Variants in MARCHF11 observed in about 807,000 individuals in gnomAD.
The protein encoded by MARCHF11 is E3 ubiquitin-protein ligase MARCHF11.
A neutral mutation model predicts 37.3 loss-of-function variants in MARCHF11; 29 were observed. That is an observed-to-expected ratio of 0.78 (90% CI 0.58 to 1.06). The LOEUF is 1.06. Among genes scored for constraint, MARCHF11 ranks in the 50% least tolerant of loss-of-function variants. The pLI, the probability that MARCHF11 is intolerant of heterozygous loss-of-function variation, is 0.00. For missense variants in MARCHF11, 482 were observed against 533.4 expected, an observed-to-expected ratio of 0.90 and a Z score of 0.95; for synonymous variants, 233 against 228.0, an observed-to-expected ratio of 1.02 and a Z score of -0.20.
At chr5:16,101,685 G>T (rs1736960866) in intron 2 of MARCHF11, among the ~76,000 whole-genome samples, 2 of 152,208 alleles carry the variant, frequency 1.3e-5, no homozygotes, top group Admixed American at 6.5e-5. Flanking sequence ...GTCATAACTA[G>T]ATTTACTTGT....
rs1737743962 is a variant in MARCHF11 at position 16,143,067 on chromosome 5, A to C, written c.693+34659T>G. 2.0e-5 allele frequency among the ~76,000 whole-genome samples: 3 copies of C among 151,922 alleles called. No individual in the cohort carries two copies. The South Asian group carries it at 6.2e-4, about 32-fold the overall frequency. On this transcript the variant is annotated intron_variant, in intron 2 of 3. Transcript: ENST00000332432. The stretch of plus-strand genomic sequence containing the variant: ...ATTTTACTTTTTAATGGATAAAAGC[A>C]AATAGTATCAGATCTTAAACAGGGC...
intron 2 of MARCHF11, among the ~76,000 whole-genome samples, chr5:16,106,658 A>G (rs1056457186): frequency 2.0e-5 from 3 of 152,176 alleles, no homozygotes; most frequent in African/African-American, 7.2e-5. Flanking sequence ...ACCCTACCCT[A>G]TCACCAGGAG....
chr5:16,158,289 G>T (rs1423589159), intron 2 of MARCHF11, among the ~76,000 whole-genome samples: 2 of 151,856 alleles, frequency 1.3e-5, no homozygotes, highest in Non-Finnish European at 2.9e-5. Context: ...ATTAAAAATA[G>T]AACTGCTGTA....
chr5:16,071,098 G>A (rs991166259), intron 3 of MARCHF11, among the ~76,000 whole-genome samples: 3 of 152,132 alleles, frequency 2.0e-5, no homozygotes, highest in African/African-American at 7.2e-5. Flanking sequence ...TAAAAACTCT[G>A]TTAGTATGCT....
intron 2 of MARCHF11, among the ~76,000 whole-genome samples, chr5:16,128,644 G>A (rs1466820582): frequency 1.3e-5 from 2 of 152,168 alleles, no homozygotes; most frequent in Non-Finnish European, 2.9e-5. Flanking sequence ...CTTTTTAGAA[G>A]AAGCTGCTAT....
At chr5:16,103,281 G>A (rs1736989728) in intron 2 of MARCHF11, among the ~76,000 whole-genome samples, 1 of 152,182 alleles carries the variant, frequency 6.6e-6, no homozygotes, top group African/African-American at 2.4e-5. Flanking sequence ...AGAAGAGTTG[G>A]CTAGGTGGAG....
intron 2 of MARCHF11, among the ~76,000 whole-genome samples, chr5:16,093,121 C>T (rs1579682246): frequency 6.6e-6 from 1 of 152,130 alleles, no homozygotes; most frequent in Admixed American, 6.5e-5. Context: ...AACAAAGCAT[C>T]CTTTAAGTCC....
intron 3 of MARCHF11, among the ~76,000 whole-genome samples, chr5:16,087,278 C>T (rs1210558319): frequency 4.6e-5 from 7 of 152,206 alleles, no homozygotes; most frequent in Non-Finnish European, 1.0e-4. Context: ...AAACATGTCT[C>T]TCCTTTATCA....
At chr5:16,080,179 G>C (rs544195914) in intron 3 of MARCHF11, among the ~76,000 whole-genome samples, 1 of 152,058 alleles carries the variant, frequency 6.6e-6, no homozygotes, top group Non-Finnish European at 1.5e-5. Context: ...CTGCGGTCTC[G>C]CATCCATCCA....
In MARCHF11 at chr5:16,179,604, C is replaced by T; in HGVS notation, c.-29G>A. Reference sequence around the variant, plus strand: ...TGTGCCGCCGCCGCCCTCCTGCCGGCCCGGCTGGCGGGCCGGGCTCTGGCT... The same window carrying T: ...TGTGCCGCCGCCGCCCTCCTGCCGGTCCGGCTGGCGGGCCGGGCTCTGGCT... On this transcript the variant is annotated 5_prime_UTR_variant, in exon 1 of 4. Coordinates refer to ENST00000332432, the MANE Select transcript of MARCHF11 (RefSeq NM_001102562.3). The T allele has an allele frequency of 8.6e-7, 1 of 1,163,738 alleles. No homozygotes were observed. 72.1% of individuals were successfully genotyped at this position (1,163,738 alleles called of 1,614,324 possible). A position where few individuals can be genotyped will look rare whatever the true frequency, so the allele number is the denominator to read the frequency against.
chr5:16,153,627 G>C (rs1326554614), intron 2 of MARCHF11, among the ~76,000 whole-genome samples: 1 of 152,000 alleles, frequency 6.6e-6, no homozygotes, highest in Non-Finnish European at 1.5e-5. Flanking sequence ...ACTATTTATT[G>C]ATGGATGTAC....
chr5:16,103,760 C>T (rs1736995582), intron 2 of MARCHF11, among the ~76,000 whole-genome samples: 2 of 152,182 alleles, frequency 1.3e-5, no homozygotes, highest in African/African-American at 2.4e-5. Flanking sequence ...TTTCTGTTTC[C>T]CCTCTTTTAA....
intron 2 of MARCHF11, among the ~76,000 whole-genome samples, chr5:16,175,965 T>C (rs1180492732): frequency 6.6e-6 from 1 of 152,230 alleles, no homozygotes. Flanking sequence ...TAGTTCTTTT[T>C]GGGGAAAAGG....
intron 3 of MARCHF11, among the ~76,000 whole-genome samples, chr5:16,072,655 GC>G (rs1159515162): frequency 2.0e-5 from 3 of 152,066 alleles, no homozygotes; most frequent in Non-Finnish European, 4.4e-5. Flanking sequence ...CCAAATATCT[GC>G]CACAAGTTGT....
intron 1 of MARCHF11, 53 bp downstream of exon 1, chr5:16,178,986 C>A: frequency 1.5e-6 from 2 of 1,365,918 alleles, no homozygotes; most frequent in Non-Finnish European, 1.9e-6. Context: ...GAAAGCTTGA[C>A]CGGCGCGAGC....
chr5:16,163,199 G>A (rs1384437898), intron 2 of MARCHF11, among the ~76,000 whole-genome samples: 11 of 151,692 alleles, frequency 7.3e-5, no homozygotes, highest in Admixed American at 1.3e-4. Flanking sequence ...TAAGAACTCC[G>A]GTTTACTAGA....
At chr5:16,108,481 G>A (rs1737082938) in intron 2 of MARCHF11, among the ~76,000 whole-genome samples, 1 of 152,232 alleles carries the variant, frequency 6.6e-6, no homozygotes, top group South Asian at 2.1e-4. Context: ...GCAGGTATGG[G>A]TTGCAGTGGT....
intron 3 of MARCHF11, among the ~76,000 whole-genome samples, chr5:16,077,841 T>C (rs1164392355): frequency 6.6e-6 from 1 of 152,200 alleles, no homozygotes; most frequent in Admixed American, 6.5e-5. Context: ...GTGTATTCCG[T>C]GTTTTCCATT....
intron 2 of MARCHF11, among the ~76,000 whole-genome samples, chr5:16,173,934 C>T (rs980322125): frequency 4.6e-5 from 7 of 152,172 alleles, no homozygotes; most frequent in African/African-American, 1.4e-4. Flanking sequence ...GTTTAAGTAG[C>T]TTGTCTAAAA....
Sources: allele counts gnomAD v4.1 joint callset (sites outside exome capture counted in the v4.1 genomes callset), GRCh38; gene constraint gnomAD v4.1.1; transcripts MANE v1.5; gene names NCBI Gene and HGNC (gene_info 2026-07-23, HGNC 2026-07-21).